The following TMCC2 variants were observed in gnomAD, a reference collection of about 807,000 sequenced individuals.
TMCC2 encodes transmembrane and coiled-coil domain family 2.
A neutral mutation model predicts 49.4 loss-of-function variants in TMCC2; 16 were observed. The ratio of observed to expected loss-of-function variants is 0.32; its 90% confidence interval spans 0.22 to 0.49. TMCC2 has a LOEUF of 0.49. TMCC2 is among the 20% of genes least tolerant of loss of function. The pLI is 0.99. For synonymous variants in TMCC2, 397 were observed against 434.1 expected, an observed-to-expected ratio of 0.91 and a Z score of 1.06; for missense variants, 762 against 989.8, an observed-to-expected ratio of 0.77 and a Z score of 3.09.
At chr1:205,262,185 A>G (rs2102595941) in intron 2 of TMCC2, among the ~76,000 whole-genome samples, 1 of 152,262 alleles carries the variant, frequency 6.6e-6, no homozygotes, top group East Asian at 1.9e-4. Flanking sequence ...CAGACATGCC[A>G]GCTCCCTCCA....
chr1:205,237,956 G>A (rs183396400), intron 1 of TMCC2, among the ~76,000 whole-genome samples: 15 of 152,292 alleles, frequency 9.8e-5, no homozygotes, highest in African/African-American at 2.9e-4. Flanking sequence ...GGCACTTCTT[G>A]CTTCGGTCTT....
Position 205,242,602 on chromosome 1 carries a change from A to G in TMCC2, c.747+558A>G, listed in dbSNP as rs553192465. On this transcript the variant is annotated intron_variant, in intron 2 of 4. Coordinates refer to ENST00000358024, the MANE Select transcript of TMCC2 (RefSeq NM_014858.4). The stretch of plus-strand genomic sequence containing the variant: ...CTAGTTTAGCACTTCATGAATTTAT[A>G]TATTCGTTCTTTTATTCGTGTAACA... 2.2e-4 allele frequency among the ~76,000 whole-genome samples: 34 copies of G among 152,314 alleles called. No homozygotes were observed. In the South Asian group the frequency reaches 6.8e-3, roughly 31 times the overall value.
intron 2 of TMCC2, among the ~76,000 whole-genome samples, chr1:205,248,955 T>C (rs1222586891): frequency 6.6e-6 from 1 of 152,162 alleles, no homozygotes; most frequent in Admixed American, 6.5e-5. Flanking sequence ...CTTCCCCTCC[T>C]GCAGTGTGGC....
chr1:205,257,299 A>T (rs1175516888), intron 2 of TMCC2: 23 of 1,232,144 alleles, frequency 1.9e-5, no homozygotes, highest in Non-Finnish European at 2.2e-5. Flanking sequence ...CAGTCCGCAG[A>T]CAGCTGGGGC....
intron 2 of TMCC2, among the ~76,000 whole-genome samples, chr1:205,250,372 C>T (rs1283153707): frequency 3.9e-5 from 6 of 152,002 alleles, no homozygotes; most frequent in Non-Finnish European, 7.4e-5. Flanking sequence ...GAAACCCCGT[C>T]TCTACTAAAA....
At chr1:205,250,307 G>A (rs1574847400) in intron 2 of TMCC2, among the ~76,000 whole-genome samples, 2 of 152,260 alleles carry the variant, frequency 1.3e-5, no homozygotes, top group Non-Finnish European at 2.9e-5. Context: ...TTGGGAGGCC[G>A]AGGTGGGTGT....
chr1:205,236,489 T>C (rs1052103583), intron 1 of TMCC2: 1 of 152,200 alleles, frequency 6.6e-6, no homozygotes, highest in African/African-American at 2.4e-5. Context: ...AGAAAATAAA[T>C]GAACAAATAA....
At chr1:205,268,367 A>G (rs774254345) in intron 2 of TMCC2, among the ~76,000 whole-genome samples, 3 of 152,184 alleles carry the variant, frequency 2.0e-5, no homozygotes, top group Non-Finnish European at 4.4e-5. Flanking sequence ...TAATCCCAGC[A>G]CTTTGGGAGG....
In TMCC2 at chr1:205,272,108, T is replaced by C. The variant is rs760498234; in HGVS notation, c.2114T>C (p.Val705Ala). Residue 705 changes from valine (V) to alanine (A), a missense_variant, in exon 5 of 5, where the codon GTG becomes GCG. By Grantham distance (64) the Val-to-Ala change is moderately conservative. This residue lies in a region of TMCC2 where 440 missense variants were observed against 636.7 expected (regional missense o/e 0.69). Coordinates refer to ENST00000358024, the MANE Select transcript of TMCC2 (RefSeq NM_014858.4). ...TCCCTCACCTACCTCCTGGAGCACGTGTTGCTGCCCAGCTGAGTGGCCAGC... is the reference window on the plus strand; with the variant it reads ...TCCCTCACCTACCTCCTGGAGCACGCGTTGCTGCCCAGCTGAGTGGCCAGC... Reference protein sequence around the residue: ...WDSLTYLLEHVLLPS With the variant: ...WDSLTYLLEHALLPS 4.3e-6 allele frequency: 7 copies of C among 1,612,716 alleles called. No individual in the cohort carries two copies. Among genetic ancestry groups the C allele is most frequent in the South Asian group, 2.2e-5 (2 of 91,076 alleles).
At chr1:205,271,340 G>C (rs1401293912) in intron 4 of TMCC2, 85 bp downstream of exon 4, 3 of 1,605,720 alleles carry the variant, frequency 1.9e-6, no homozygotes, top group Non-Finnish European at 2.6e-6. Flanking sequence ...GTCACGTGGG[G>C]CATGATAGAC....
chr1:205,249,810 C>T (rs1284341202), intron 2 of TMCC2, among the ~76,000 whole-genome samples: 1 of 152,244 alleles, frequency 6.6e-6, no homozygotes, highest in East Asian at 1.9e-4. Context: ...GGCAGCCAGA[C>T]CAGCAGCCTC....
intron 1 of TMCC2, among the ~76,000 whole-genome samples, chr1:205,235,851 C>T (rs1042809787): frequency 3.9e-5 from 6 of 152,010 alleles, no homozygotes; most frequent in Non-Finnish European, 1.5e-5. Context: ...AGGGGGGTCA[C>T]GAGGTCAGGA....
Position 205,272,290 on chromosome 1 carries a change from C to T in TMCC2, c.*166C>T. 7.4e-7 allele frequency: 1 copy of T among 1,354,522 alleles called. No individual in the cohort carries two copies. The allele number at this position is 1,354,522 out of a possible 1,614,324, so 83.9% of individuals were successfully genotyped here. A position where few individuals can be genotyped will look rare whatever the true frequency, so the allele number is the denominator to read the frequency against. On this transcript the variant is annotated 3_prime_UTR_variant, in exon 5 of 5. Coordinates refer to ENST00000358024, the MANE Select transcript of TMCC2 (RefSeq NM_014858.4). The stretch of plus-strand genomic sequence containing the variant: ...TACTTGCTTCTGTCTGACACCTTCT[C>T]CCTGTTGGCCTGAAGGGAGCTTAGA...
At chr1:205,239,408 C>G (rs1660181582) in intron 1 of TMCC2, among the ~76,000 whole-genome samples, 1 of 152,114 alleles carries the variant, frequency 6.6e-6, no homozygotes, top group Non-Finnish European at 1.5e-5. Flanking sequence ...TCTTGGTTCT[C>G]CCCAGCACAG....
In TMCC2 at chr1:205,237,646, A is replaced by T. The variant is rs116276132; in HGVS notation, c.208-3859A>T. On this transcript the variant is annotated intron_variant, in intron 1 of 4. Coordinates refer to ENST00000358024, the MANE Select transcript of TMCC2 (RefSeq NM_014858.4). ...CCCAAGGCATTTTAGTTTTGTATTC[A>T]TGCAGCTGTGTTTGCAGATTTTGGA... Among the ~76,000 whole-genome samples the T allele has an allele frequency of 4.4e-3, 668 of 152,356 alleles. 7 individuals are homozygous for T. The highest frequency in any genetic ancestry group is 0.015 in the African/African-American group (628 of 41,584).
intron 2 of TMCC2, among the ~76,000 whole-genome samples, chr1:205,253,077 G>A (rs1405285717): frequency 1.3e-5 from 2 of 152,038 alleles, no homozygotes; most frequent in African/African-American, 2.4e-5. Flanking sequence ...TGAGGCTTCC[G>A]TGAACCATGA....
In TMCC2 at chr1:205,263,502, G is replaced by A. The variant is rs576664122; in HGVS notation, c.748-5448G>A. ...GCCCAGGAGTTTGAGACCAGCCTGG[G>A]CAACATGGCAAAACCCTTTCTCTAC... On this transcript the variant is annotated intron_variant, in intron 2 of 4. Coordinates refer to ENST00000358024, the MANE Select transcript of TMCC2 (RefSeq NM_014858.4). Among the ~76,000 whole-genome samples the A allele has an allele frequency of 2.6e-5, 4 of 152,184 alleles. No individual in the cohort carries two copies. In the South Asian group the frequency reaches 8.3e-4, roughly 32 times the overall value.
chr1:205,246,746 A>C (rs933639677), intron 2 of TMCC2: 1 of 1,516,588 alleles, frequency 6.6e-7, no homozygotes, highest in African/African-American at 1.4e-5. Flanking sequence ...GTCAAGCAGG[A>C]GTCTCTGGTA....
rs1337833911 is a variant in TMCC2, at chr1:205,271,980, C to T, written c.1986C>T (p.Ser662=). 17 of 1,614,220 alleles carry T rather than the reference C, an allele frequency of 1.1e-5. No individual in the cohort carries two copies. The highest frequency in any genetic ancestry group is 1.4e-5 in the Non-Finnish European group (17 of 1,180,040). Reference sequence around the variant, plus strand: ...TGGCCGTGCTGCTGGTGTTCGTGTCCACCATCGCCAACTTCATCACGCCCC... The same window carrying T: ...TGGCCGTGCTGCTGGTGTTCGTGTCTACCATCGCCAACTTCATCACGCCCC... ...ALMAVLLVFV[S]TIANFITPLM... Residue 662 remains serine (S), a synonymous_variant, in exon 5 of 5, where the codon TCC becomes TCT. Transcript: ENST00000358024.
Sources: gnomAD v4.1 joint callset for allele counts (sites outside exome capture counted in the v4.1 genomes callset) on GRCh38, gnomAD v4.1.1 for gene constraint, gnomAD v4.1.1 regional missense constraint, MANE v1.5 for transcripts, NCBI Gene and HGNC (gene_info 2026-07-23, HGNC 2026-07-21) for gene names.